Variants in KDM2A observed in about 807,000 individuals in gnomAD.
The protein encoded by KDM2A is lysine-specific demethylase 2A.
In KDM2A, 3 loss-of-function variants were observed where a neutral mutation model predicts 137.3. That is an observed-to-expected ratio of 0.02 (90% CI 0.01 to 0.06). KDM2A has a LOEUF of 0.06. KDM2A is among the 10% of genes least tolerant of loss of function. KDM2A has a pLI of 1.00. For synonymous variants in KDM2A, 512 were observed against 541.5 expected (o/e 0.95, Z 0.76); for missense variants, 738 against 1,510.6 (o/e 0.49, Z 8.48).
At chr11:67,165,733 A>T (rs540955921) in intron 2 of KDM2A, among the ~76,000 whole-genome samples, 1 of 152,218 alleles carries the variant, frequency 6.6e-6, no homozygotes, top group Non-Finnish European at 1.5e-5. Flanking sequence ...ATGTGTGACA[A>T]ATTTCATGGT....
intron 2 of KDM2A, among the ~76,000 whole-genome samples, chr11:67,178,716 C>T (rs189658456): frequency 2.0e-5 from 3 of 152,154 alleles, no homozygotes; most frequent in Admixed American, 2.0e-4. Flanking sequence ...TGGCACATAG[C>T]GTTATTTCAT....
chr11:67,180,472 T>C, intron 3 of KDM2A: 1 of 329,482 alleles, frequency 3.0e-6, no homozygotes, highest in Non-Finnish European at 5.5e-6. Flanking sequence ...TAACGGCCTC[T>C]TCCTCCTTCT....
chr11:67,257,396 G>A lies in KDM2A; in HGVS notation c.*2341G>A, dbSNP rs776490911. The stretch of plus-strand genomic sequence containing the variant: ...AGGGGAAATGGTTTTTAGAGGTGAG[G>A]GTTGGTCCATGTGGAGGAAAGAAGT... On this transcript the variant is annotated 3_prime_UTR_variant, in exon 21 of 21. Coordinates refer to ENST00000529006, the MANE Select transcript of KDM2A (RefSeq NM_012308.3). The A allele has an allele frequency of 6.6e-6, 1 of 152,542 alleles. No homozygotes were observed. The highest frequency in any genetic ancestry group is 2.4e-5 in the African/African-American group (1 of 41,380). 9.4% of individuals were successfully genotyped at this position (152,542 alleles called of 1,614,324 possible). A position where few individuals can be genotyped will look rare whatever the true frequency, so the allele number is the denominator to read the frequency against.
intron 2 of KDM2A, among the ~76,000 whole-genome samples, chr11:67,165,724 T>A (rs1415721378): frequency 6.6e-6 from 1 of 152,180 alleles, no homozygotes; most frequent in Admixed American, 6.6e-5. Context: ...AGAAACAGCA[T>A]GTGTGACAAA....
chr11:67,184,806 G>A (rs911151558), intron 5 of KDM2A, among the ~76,000 whole-genome samples: 4 of 152,106 alleles, frequency 2.6e-5, no homozygotes, highest in Non-Finnish European at 4.4e-5. Context: ...ACCTCAGATT[G>A]ATCCTTGACA....
chr11:67,195,931 C>A, intron 5 of KDM2A: 2 of 415,878 alleles, frequency 4.8e-6, no homozygotes, highest in Non-Finnish European at 4.9e-6. Context: ...CCACTTACAG[C>A]AACTTTCTTT....
At chr11:67,163,167 T>C (rs1281536286) in intron 2 of KDM2A, among the ~76,000 whole-genome samples, 1 of 152,228 alleles carries the variant, frequency 6.6e-6, no homozygotes, top group Non-Finnish European at 1.5e-5. Context: ...CTTCTAGCGC[T>C]ACACTTTCGT....
chr11:67,247,065 ATATATATTTTTT>A lies in KDM2A; in HGVS notation c.1965+951_1965+962del, dbSNP rs1859257724. 1.5e-4 allele frequency among the ~76,000 whole-genome samples: 4 copies of A among 27,578 alleles called. No homozygotes were observed. The East Asian group carries it at 2.4e-3, about 16-fold the overall frequency. The allele number at this position is 27,578 out of a possible 152,430, so 18.1% of individuals were successfully genotyped here. A position where few individuals can be genotyped will look rare whatever the true frequency, so the allele number is the denominator to read the frequency against. On this transcript the variant is annotated intron_variant, in intron 15 of 20. Coordinates refer to ENST00000529006, the MANE Select transcript of KDM2A (RefSeq NM_012308.3). ...TATATATATATATATATATATATATATATATATTTTTTTTTTTTTTTTTTTTTTTTTTTTTTT... is the reference window on the plus strand; with the variant it reads ...TATATATATATATATATATATATATATTTTTTTTTTTTTTTTTTTTTTTTT...
chr11:67,242,860 G>T (rs1052267077), intron 12 of KDM2A, 149 bp from the exon 13 acceptor site: 15 of 558,552 alleles, frequency 2.7e-5, no homozygotes, highest in African/African-American at 2.6e-4. Flanking sequence ...TTTCCAGTGA[G>T]TCTCTATATG....
At chr11:67,235,468 T>A (rs1433013358) in intron 12 of KDM2A, among the ~76,000 whole-genome samples, 1 of 151,596 alleles carries the variant, frequency 6.6e-6, no homozygotes, top group Non-Finnish European at 1.5e-5. Flanking sequence ...CCACCCTGGC[T>A]AATTTTGTAT....
chr11:67,239,369 GTCAGAA>G (rs959664228), intron 12 of KDM2A, among the ~76,000 whole-genome samples: 5 of 152,176 alleles, frequency 3.3e-5, no homozygotes, highest in African/African-American at 4.8e-5. Context: ...TGGAGTCCTT[GTCAGAA>G]TCAGAAGCAG....
At chr11:67,173,282 G>C (rs374586437) in intron 2 of KDM2A, among the ~76,000 whole-genome samples, 1 of 152,106 alleles carries the variant, frequency 6.6e-6, no homozygotes, top group African/African-American at 2.4e-5. Flanking sequence ...GCCACCATGC[G>C]TGGCTAATTT....
intron 2 of KDM2A, among the ~76,000 whole-genome samples, chr11:67,179,514 A>C (rs1039133298): frequency 6.6e-6 from 1 of 152,178 alleles, no homozygotes; most frequent in East Asian, 1.9e-4. Context: ...TCCCGACCTC[A>C]GGTGATCCGC....
At chr11:67,190,824 T>A (rs184180525) in intron 5 of KDM2A, among the ~76,000 whole-genome samples, 2 of 152,226 alleles carry the variant, frequency 1.3e-5, no homozygotes, top group Non-Finnish European at 2.9e-5. Context: ...GTGTACAAAT[T>A]TCTAGAAACA....
At chr11:67,216,286 G>A (rs1350605342) in intron 8 of KDM2A, among the ~76,000 whole-genome samples, 1 of 152,310 alleles carries the variant, frequency 6.6e-6, no homozygotes, top group South Asian at 2.1e-4. Flanking sequence ...ATAAATAGTG[G>A]AAGGGAACAC....
At chr11:67,213,481 G>A (rs1016271381) in intron 6 of KDM2A, among the ~76,000 whole-genome samples, 4 of 151,888 alleles carry the variant, frequency 2.6e-5, no homozygotes, top group Middle Eastern at 3.4e-3. Context: ...ATTCCTGGCC[G>A]GGCATGGTAG....
intron 2 of KDM2A, among the ~76,000 whole-genome samples, chr11:67,170,818 C>G (rs1856866834): frequency 1.3e-5 from 2 of 152,080 alleles, no homozygotes; most frequent in Admixed American, 1.3e-4. Flanking sequence ...TGAGGTCGTC[C>G]TTGACAATTT....
chr11:67,128,474 A>C (rs1314734236), intron 2 of KDM2A, among the ~76,000 whole-genome samples: 3 of 151,890 alleles, frequency 2.0e-5, no homozygotes, highest in African/African-American at 7.3e-5. Flanking sequence ...TAATTATTTT[A>C]TGAGATTTAG....
chr11:67,225,103 C>T (rs1858498430), intron 10 of KDM2A, among the ~76,000 whole-genome samples: 1 of 152,150 alleles, frequency 6.6e-6, no homozygotes, highest in South Asian at 2.1e-4. Context: ...GCTGGGATTA[C>T]AGGTGTGAGC....
Sources: allele counts gnomAD v4.1 joint callset (sites outside exome capture counted in the v4.1 genomes callset), GRCh38; gene constraint gnomAD v4.1.1; transcripts MANE v1.5; gene names NCBI Gene and HGNC (gene_info 2026-07-23, HGNC 2026-07-21).